MYRFL: variants seen among roughly 807,000 people sequenced by gnomAD.
MYRFL encodes myelin regulatory factor like, also known as myelin regulatory factor-like protein.
A neutral mutation model predicts 109.4 loss-of-function variants in MYRFL; 88 were observed. The observed-to-expected ratio is 0.80, with a 90% CI of 0.68 to 0.96. The LOEUF (loss-of-function observed/expected upper bound fraction) is 0.96, where lower values mean the gene tolerates loss of function less well. Ranked by LOEUF, MYRFL falls within the 40% of genes least tolerant of loss-of-function variation. The probability of loss-of-function intolerance (pLI) is 0.00; values close to 1 mark genes in which losing one functional copy is unlikely to be tolerated. For missense variants in MYRFL, 957 were observed against 954.9 expected (o/e 1.00, Z -0.03); for synonymous variants, 324 against 320.9 (o/e 1.01, Z -0.10).
At chr12:69,837,973 G>A (rs1883047265) in intron 1 of MYRFL, among the ~76,000 whole-genome samples, 1 of 152,198 alleles carries the variant, frequency 6.6e-6, no homozygotes, top group Admixed American at 6.5e-5. Flanking sequence ...TATGTGTTGA[G>A]TCAATAAATA....
At chr12:69,926,117 C>CTTTTTT (rs147973443) in intron 13 of MYRFL, among the ~76,000 whole-genome samples, 38 of 84,820 alleles carry the variant, frequency 4.5e-4, no homozygotes, top group Non-Finnish European at 5.3e-4. Flanking sequence ...TCTTCTTCTT[C>CTTTTTT]TTTTTTTTTT....
chr12:69,932,645 T>A (rs775511598), intron 16 of MYRFL, 47 bp downstream of exon 16: 1 of 1,383,476 alleles, frequency 7.2e-7, no homozygotes, highest in Non-Finnish European at 9.9e-7. Flanking sequence ...TTTTGTTCCT[T>A]CCCATGTTTC....
chr12:69,893,988 A>AT, intron 8 of MYRFL, 148 bp downstream of exon 8: 1 of 153,068 alleles, frequency 6.5e-6, no homozygotes, highest in Non-Finnish European at 1.2e-5. Context: ...TAATAATGTT[A>AT]ATTTTTTTTT....
At chr12:69,832,985 TG>T (rs1882728724) in intron 1 of MYRFL, among the ~76,000 whole-genome samples, 1 of 124,844 alleles carries the variant, frequency 8.0e-6, no homozygotes, top group Admixed American at 8.5e-5. Flanking sequence ...TGTGTGTGTG[TG>T]TAATTAAGAA....
chr12:69,888,770 T>C (rs1886611744), intron 6 of MYRFL, among the ~76,000 whole-genome samples: 1 of 152,246 alleles, frequency 6.6e-6, no homozygotes, highest in African/African-American at 2.4e-5. Context: ...CTAAGACGGT[T>C]CTTATTACCC....
intron 13 of MYRFL, among the ~76,000 whole-genome samples, chr12:69,918,798 T>C (rs1218098616): frequency 1.3e-5 from 2 of 152,214 alleles, no homozygotes; most frequent in Non-Finnish European, 2.9e-5. Flanking sequence ...TTAACTTGTC[T>C]TTTTCGGGAC....
At chr12:69,901,781 T>G (rs1361777314) in intron 10 of MYRFL, among the ~76,000 whole-genome samples, 1 of 152,212 alleles carries the variant, frequency 6.6e-6, no homozygotes, top group Non-Finnish European at 1.5e-5. Flanking sequence ...AGAAAAGCTC[T>G]TTGTTCAAGT....
At chr12:69,842,137 A>G (rs1279509131) in intron 1 of MYRFL, among the ~76,000 whole-genome samples, 2 of 152,156 alleles carry the variant, frequency 1.3e-5, no homozygotes, top group African/African-American at 2.4e-5. Flanking sequence ...TGCCTGGCCC[A>G]TATCACATGT....
rs1290453853 is a variant in MYRFL, at chr12:69,932,508, T to C, written c.1831-5T>C. 6.5e-7 allele frequency: 1 copy of C among 1,533,294 alleles called. No individual in the cohort carries two copies. Among genetic ancestry groups the C allele is most frequent in the Non-Finnish European group, 8.7e-7 (1 of 1,144,432 alleles). The allele number at this position is 1,533,294 out of a possible 1,614,324, so 95.0% of individuals were successfully genotyped here. On this transcript the variant is annotated splice_polypyrimidine_tract_variant and splice_region_variant and intron_variant, in intron 15 of 24. Coordinates refer to ENST00000552032, the MANE Select transcript of MYRFL (RefSeq NM_182530.3). ...ATCACTGCTCATTACTGAACCTTTT[T>C]ATAGGTTTATTTTTCAGGAAAAAGA...
chr12:69,854,530 CA>C (rs1370022724), intron 1 of MYRFL, among the ~76,000 whole-genome samples: 3 of 152,026 alleles, frequency 2.0e-5, no homozygotes, highest in Non-Finnish European at 4.4e-5. Flanking sequence ...ACTACAGGCA[CA>C]TGCCACCATG....
chr12:69,876,613 G>A (rs1407845775), intron 2 of MYRFL, among the ~76,000 whole-genome samples: 3 of 152,144 alleles, frequency 2.0e-5, no homozygotes, highest in East Asian at 1.9e-4. Context: ...AGTTCTGTGT[G>A]CAAACCATTG....
chr12:69,936,156 C>T lies in MYRFL; in HGVS notation c.1960C>T (p.Gln654Ter). The T allele has an allele frequency of 7.9e-7, 1 of 1,266,886 alleles. No individual in the cohort carries two copies. Among genetic ancestry groups the T allele is most frequent in the Non-Finnish European group, 1.0e-6 (1 of 988,976 alleles). The allele number at this position is 1,266,886 out of a possible 1,614,324, so 78.5% of individuals were successfully genotyped here. A position where few individuals can be genotyped will look rare whatever the true frequency, so the allele number is the denominator to read the frequency against. Residue 654 changes from glutamine (Q) to a stop codon, truncating the protein, a stop_gained, in exon 17 of 25, where the codon CAA (glutamine) becomes TAA (stop). Transcript: ENST00000552032. LOFTEE classifies it high-confidence loss of function. ...VALYILSLKD[Q>*]DRRVPNLPPS... is the part of the protein sequence containing the mutation. ...CCTCTATATACTTAGCTTAAAAGAT[C>T]AAGACCGACGTGTCCCAAATCTCCC...
intron 1 of MYRFL, among the ~76,000 whole-genome samples, chr12:69,843,576 C>T (rs1387264038): frequency 6.6e-6 from 1 of 152,198 alleles, no homozygotes; most frequent in Non-Finnish European, 1.5e-5. Context: ...CTGTGCCTTC[C>T]CTGCTCACGC....
At chr12:69,923,016 TA>T (rs779198891) in intron 13 of MYRFL, among the ~76,000 whole-genome samples, 3 of 152,066 alleles carry the variant, frequency 2.0e-5, no homozygotes, top group Admixed American at 6.5e-5. Context: ...TTACAAGATT[TA>T]AAAAAAATGA....
chr12:69,918,126 G>A (rs781609847), intron 13 of MYRFL, among the ~76,000 whole-genome samples: 24 of 152,122 alleles, frequency 1.6e-4, no homozygotes, highest in Non-Finnish European at 3.1e-4. Context: ...TTAAAAATTA[G>A]GAGATCTTCA....
chr12:69,839,157 CCTT>C (rs1433101618), intron 1 of MYRFL, among the ~76,000 whole-genome samples: 1 of 152,178 alleles, frequency 6.6e-6, no homozygotes, highest in Non-Finnish European at 1.5e-5. Flanking sequence ...GGCACACCCA[CCTT>C]CTTTCCTGCA....
intron 13 of MYRFL, among the ~76,000 whole-genome samples, chr12:69,921,588 T>C (rs1479322237): frequency 6.6e-6 from 1 of 152,236 alleles, no homozygotes; most frequent in Non-Finnish European, 1.5e-5. Context: ...CTATAATATG[T>C]ATTAGAAATT....
Position 69,889,957 on chromosome 12 carries a change from T to C in MYRFL, c.708-1014T>C, listed in dbSNP as rs553540370. Among the ~76,000 whole-genome samples, 29 of 152,226 alleles carry C rather than the reference T, an allele frequency of 1.9e-4. 1 individual carries two copies. Among genetic ancestry groups the C allele is most frequent in the African/African-American group, 7.0e-4 (29 of 41,538 alleles). On this transcript the variant is annotated intron_variant, in intron 6 of 24. Coordinates refer to ENST00000552032, the MANE Select transcript of MYRFL (RefSeq NM_182530.3). ...AAAGCATTGCTATTAGAAATAGCAA[T>C]GATAAAACCAATAAAGCAAAAATTT...
At chr12:69,853,729 C>CT (rs1884069663) in intron 1 of MYRFL, among the ~76,000 whole-genome samples, 1 of 148,798 alleles carries the variant, frequency 6.7e-6, no homozygotes, top group African/African-American at 2.5e-5. Context: ...CGGGAAGAGG[C>CT]GCTCCTCACT....
Sources: gnomAD v4.1 joint callset for allele counts (sites outside exome capture counted in the v4.1 genomes callset) on GRCh38, gnomAD v4.1.1 for gene constraint, MANE v1.5 for transcripts, NCBI Gene and HGNC (gene_info 2026-07-23, HGNC 2026-07-21) for gene names.